Variants in MYOZ2 observed in about 807,000 individuals in gnomAD.
The protein encoded by MYOZ2 is myozenin-2.
MYOZ2 carries 19 observed loss-of-function variants against 25.4 expected under a neutral mutation model. The observed-to-expected ratio is 0.75, with a 90% CI of 0.52 to 1.10. The LOEUF (loss-of-function observed/expected upper bound fraction) is 1.10, where lower values mean the gene tolerates loss of function less well. Among genes scored for constraint, MYOZ2 ranks in the 50% least tolerant of loss-of-function variants. The pLI is 0.00. For synonymous variants in MYOZ2, 92 were observed against 106.9 expected (o/e 0.86, Z 0.86); for missense variants, 270 against 317.9 (o/e 0.85, Z 1.15).
At chr4:119,152,634 T>C (rs1034182937) in intron 3 of MYOZ2, among the ~76,000 whole-genome samples, 17 of 152,076 alleles carry the variant, frequency 1.1e-4, no homozygotes, top group Non-Finnish European at 2.4e-4. Context: ...ACATAATATA[T>C]ATAAGAACAT....
chr4:119,173,504 GCAAT>G (rs964686552), intron 5 of MYOZ2, among the ~76,000 whole-genome samples: 1 of 152,222 alleles, frequency 6.6e-6, no homozygotes, highest in Non-Finnish European at 1.5e-5. Context: ...TGTGTTGAGG[GCAAT>G]CAAATTCAAA....
At chr4:119,165,374 G>C (rs990812735) in intron 5 of MYOZ2, among the ~76,000 whole-genome samples, 2 of 151,486 alleles carry the variant, frequency 1.3e-5, no homozygotes, top group Non-Finnish European at 2.9e-5. Flanking sequence ...AGCCAAGAGT[G>C]GTGGCATGTA....
intron 5 of MYOZ2, among the ~76,000 whole-genome samples, chr4:119,167,175 A>T (rs943999345): frequency 1.1e-4 from 17 of 152,326 alleles, no homozygotes; most frequent in Non-Finnish European, 1.5e-4. Flanking sequence ...CAAAGGAAAA[A>T]TTCAGGAAGA....
intron 5 of MYOZ2, among the ~76,000 whole-genome samples, chr4:119,175,340 G>T (rs1254434265): frequency 6.6e-6 from 1 of 152,110 alleles, no homozygotes; most frequent in Non-Finnish European, 1.5e-5. Context: ...ATGTAATTCA[G>T]AAAACAAAAT....
chr4:119,181,830 T>C (rs1440736789), intron 5 of MYOZ2, among the ~76,000 whole-genome samples: 1 of 152,196 alleles, frequency 6.6e-6, no homozygotes, highest in Non-Finnish European at 1.5e-5. Flanking sequence ...TTTAGCAAAT[T>C]TGGAATCTGA....
chr4:119,178,865 C>T (rs934316468), intron 5 of MYOZ2, among the ~76,000 whole-genome samples: 2 of 152,154 alleles, frequency 1.3e-5, no homozygotes, highest in Non-Finnish European at 2.9e-5. Context: ...CCTCGGCCTC[C>T]CAAAGTGCTG....
At chr4:119,150,802 T>C in intron 2 of MYOZ2, 70 bp from the exon 3 acceptor site, 3 of 1,464,344 alleles carry the variant, frequency 2.0e-6, no homozygotes, top group Admixed American at 1.7e-5. Flanking sequence ...AATTTTAGAA[T>C]TAAGAAATTT....
intron 5 of MYOZ2, among the ~76,000 whole-genome samples, chr4:119,168,683 A>AAACAACAAC (rs150292392): frequency 1.6e-3 from 241 of 150,938 alleles, no homozygotes; most frequent in South Asian, 6.9e-3. Context: ...AACAACAACA[A>AAACAACAAC]AACAACAACA....
chr4:119,141,514 C>A (rs1741158274), intron 2 of MYOZ2, among the ~76,000 whole-genome samples: 1 of 152,170 alleles, frequency 6.6e-6, no homozygotes, highest in Non-Finnish European at 1.5e-5. Flanking sequence ...TCCCGAGTAG[C>A]TGGAATTACA....
Position 119,184,353 on chromosome 4 carries a change from G to A in MYOZ2, c.561-1613G>A, listed in dbSNP as rs1027857015. On this transcript the variant is annotated intron_variant, in intron 5 of 5. Transcript: ENST00000307128. ...AAGCCTTCTTTGTTTCCTTGAACAC[G>A]CCAACATTATTTCTGCCTTAGGGTT... Among the ~76,000 whole-genome samples, 95 of 151,938 alleles carry A rather than the reference G, an allele frequency of 6.3e-4. 5 individuals carry two copies. Among genetic ancestry groups the A allele is most frequent in the Non-Finnish European group, 2.9e-5 (2 of 68,012 alleles).
intron 5 of MYOZ2, among the ~76,000 whole-genome samples, chr4:119,167,697 G>A (rs1001871161): frequency 1.3e-5 from 2 of 152,194 alleles, no homozygotes; most frequent in Non-Finnish European, 2.9e-5. Flanking sequence ...AATGTAGCTG[G>A]TGAATTTGAG....
At chr4:119,137,223 A>G (rs1741050835) in intron 2 of MYOZ2, among the ~76,000 whole-genome samples, 1 of 152,156 alleles carries the variant, frequency 6.6e-6, no homozygotes, top group Admixed American at 6.6e-5. Context: ...ATTTTAATAT[A>G]TATTACGTGC....
chr4:119,174,132 C>T (rs113304698), intron 5 of MYOZ2, among the ~76,000 whole-genome samples: 7,572 of 152,302 alleles, frequency 0.05, 283 homozygotes, highest in African/African-American at 0.1. Flanking sequence ...TGCTCCACTG[C>T]GCCCAGTCCC....
intron 2 of MYOZ2, among the ~76,000 whole-genome samples, chr4:119,142,363 A>G (rs1265210842): frequency 6.6e-6 from 1 of 152,220 alleles, no homozygotes; most frequent in Admixed American, 6.5e-5. Flanking sequence ...CAGAATCAAA[A>G]AGTTGAAATA....
At chr4:119,164,164 A>C in intron 4 of MYOZ2, 47 bp from the exon 5 acceptor site, 1 of 1,549,388 alleles carries the variant, frequency 6.5e-7, no homozygotes, top group Non-Finnish European at 8.9e-7. Context: ...GGAGGTTAGT[A>C]ACTCTCGGGC....
chr4:119,168,380 T>C (rs1258675214), intron 5 of MYOZ2, among the ~76,000 whole-genome samples: 1 of 152,196 alleles, frequency 6.6e-6, no homozygotes, highest in Non-Finnish European at 1.5e-5. Context: ...CATAAGGCTA[T>C]AGCTGCCATA....
rs1309077303 is a variant in MYOZ2, at chr4:119,150,881, G to T, written c.86G>T (p.Gly29Val). 6.2e-7 allele frequency: 1 copy of T among 1,613,626 alleles called. No individual in the cohort carries two copies. Among genetic ancestry groups the T allele is most frequent in the East Asian group, 2.2e-5 (1 of 44,864 alleles). The change falls in exon 3 of 6, where the codon GGC becomes GTC. Residue 29 changes from glycine (G) to valine (V), a missense_variant. Gly to Val is a moderately radical substitution (Grantham distance 109). Transcript: ENST00000307128. The stretch of plus-strand genomic sequence containing the variant: ...GAATATTGTTTTACAGATGTTGATG[G>T]CATGGACCTGGGCAAAAAGGTCAGC... ...MKEVHGNDVD[G>V]MDLGKKVSIP...
intron 4 of MYOZ2, among the ~76,000 whole-genome samples, chr4:119,161,233 T>C (rs961133269): frequency 3.3e-5 from 5 of 152,156 alleles, no homozygotes; most frequent in Non-Finnish European, 7.4e-5. Flanking sequence ...AAAATGTCTA[T>C]GCAATATAGA....
chr4:119,148,308 A>G (rs6856786), intron 2 of MYOZ2, among the ~76,000 whole-genome samples: 89,674 of 151,940 alleles, frequency 0.59, 28,756 homozygotes, highest in Non-Finnish European at 0.72. Flanking sequence ...AAGCTTAATT[A>G]TAAGTCTTGT....
Sources: allele counts gnomAD v4.1 joint callset (sites outside exome capture counted in the v4.1 genomes callset), GRCh38; gene constraint gnomAD v4.1.1; transcripts MANE v1.5; gene names NCBI Gene and HGNC (gene_info 2026-07-23, HGNC 2026-07-21).